Variants in ST6GALNAC4 observed in about 807,000 individuals in gnomAD.
ST6GALNAC4 encodes the protein ST6 N-acetylgalactosaminide alpha-2,6-sialyltransferase 4.
In ST6GALNAC4, 24 loss-of-function variants were observed where a neutral mutation model predicts 30.4. The ratio of observed to expected loss-of-function variants is 0.79; its 90% CI spans 0.57 to 1.11. ST6GALNAC4 has a LOEUF of 1.11. ST6GALNAC4 is among the 50% of genes most tolerant of loss of function. ST6GALNAC4 has a pLI of 0.00. For synonymous variants in ST6GALNAC4, 156 were observed against 179.7 expected, an observed-to-expected ratio of 0.87 and a Z score of 1.05; for missense variants, 365 against 430.1, an observed-to-expected ratio of 0.85 and a Z score of 1.34.
At chr9:127,908,644 C>G in intron 5 of ST6GALNAC4, 63 bp from the exon 6 acceptor site, 1 of 1,430,280 alleles carries the variant, frequency 7.0e-7, no homozygotes. Flanking sequence ...CACACCCTGC[C>G]GCCTACCTTG....
chr9:127,916,357 C>T (rs371918000), intron 2 of ST6GALNAC4, 51 bp downstream of exon 2: 12 of 1,613,526 alleles, frequency 7.4e-6, no homozygotes, highest in African/African-American at 4.0e-5. Flanking sequence ...TGAGCTGCTC[C>T]GCCAGTCGGG....
At chr9:127,913,565 C>G (rs1297634625) in intron 3 of ST6GALNAC4, among the ~76,000 whole-genome samples, 1 of 151,908 alleles carries the variant, frequency 6.6e-6, no homozygotes, top group Admixed American at 6.6e-5. Context: ...AGCCTGTTGA[C>G]AGAGTGAGCT....
intron 2 of ST6GALNAC4, 138 bp from the exon 3 acceptor site, chr9:127,914,979 C>G: frequency 4.1e-6 from 3 of 733,380 alleles, no homozygotes; most frequent in Non-Finnish European, 6.0e-6. Flanking sequence ...AGAATCCAGT[C>G]TCCATCCACT....
chr9:127,908,551 G>A lies in ST6GALNAC4; in HGVS notation c.750C>T (p.His250=), dbSNP rs1830989030. 3 of 1,598,160 alleles carry A rather than the reference G, an allele frequency of 1.9e-6. No individual in the cohort carries two copies. The highest frequency in any genetic ancestry group is 1.7e-5 in the Admixed American group (1 of 59,456). The change falls in exon 6 of 6, where the codon CAC becomes CAT. Residue 250 remains histidine (H), a synonymous_variant. Coordinates refer to ENST00000335791, the MANE Select transcript of ST6GALNAC4 (RefSeq NM_175039.4). ...REKSHPSVPY[H]YFEKGRLDEC... is the part of the protein sequence containing the mutation. Reference sequence around the variant, plus strand: ...CATCTAGCCGGCCCTTCTCAAAGTAGTGGTAAGGCACTGAGGGGTGGCTCT... The same window carrying A: ...CATCTAGCCGGCCCTTCTCAAAGTAATGGTAAGGCACTGAGGGGTGGCTCT...
intron 3 of ST6GALNAC4, 50 bp downstream of exon 3, chr9:127,914,606 C>T: frequency 6.8e-7 from 1 of 1,473,404 alleles, no homozygotes; most frequent in Non-Finnish European, 9.1e-7. Flanking sequence ...CGGTTTGGGA[C>T]AAGCCCAGCT....
intron 2 of ST6GALNAC4, chr9:127,916,157 G>C: frequency 6.8e-6 from 4 of 584,346 alleles, no homozygotes; most frequent in Non-Finnish European, 1.2e-5. Context: ...CGTAGGCTTT[G>C]CCTGGTGAGC....
chr9:127,914,941 G>A (rs1831163621), intron 2 of ST6GALNAC4, 100 bp from the exon 3 acceptor site: 1 of 1,114,002 alleles, frequency 9.0e-7, no homozygotes, highest in Non-Finnish European at 1.2e-6. Context: ...GAAGCTCCTG[G>A]GTCTAGAGCA....
chr9:127,908,342 G>C lies in ST6GALNAC4; in HGVS notation c.*50C>G, dbSNP rs371914180. ...TGTGGAGTGTGATGGCTTGGGATGG[G>C]ACATCCCGGAGGCCTCGCAACGGCA... is the stretch of plus-strand genomic sequence containing the variant. On this transcript the variant is annotated 3_prime_UTR_variant, in exon 6 of 6. Coordinates refer to ENST00000335791, the MANE Select transcript of ST6GALNAC4 (RefSeq NM_175039.4). The C allele has an allele frequency of 1.4e-6, 2 of 1,464,496 alleles. No homozygotes were observed. The highest frequency in any genetic ancestry group is 2.8e-5 in the African/African-American group (2 of 71,044). The allele number at this position is 1,464,496 out of a possible 1,614,324, so 90.7% of individuals were successfully genotyped here.
intron 5 of ST6GALNAC4, among the ~76,000 whole-genome samples, chr9:127,909,550 G>T (rs1275729260): frequency 6.9e-6 from 1 of 145,674 alleles, no homozygotes; most frequent in African/African-American, 2.5e-5. Context: ...ACATATCACT[G>T]ATATATATAT....
rs540083038 is a variant in ST6GALNAC4, at chr9:127,909,278, A to G, written c.719+673T>C. 4.3e-4 allele frequency among the ~76,000 whole-genome samples: 66 copies of G among 152,002 alleles called. No homozygotes were observed. In the South Asian group the frequency reaches 0.013, roughly 31 times the overall value. ...GTGGCACGTGCCTGTAATCCCAGCG[A>G]CTAGGGAGGCTGAGGCAGGAGAATC... On this transcript the variant is annotated intron_variant, in intron 5 of 5. Transcript: ENST00000335791.
intron 4 of ST6GALNAC4, 45 bp from the exon 5 acceptor site, chr9:127,910,103 A>T: frequency 6.3e-7 from 1 of 1,589,094 alleles, no homozygotes; most frequent in Non-Finnish European, 8.6e-7. Context: ...ACAAGAGGCC[A>T]TGTGGTAGCT....
intron 5 of ST6GALNAC4, among the ~76,000 whole-genome samples, chr9:127,908,800 G>A (rs1356889309): frequency 1.3e-5 from 2 of 152,146 alleles, no homozygotes; most frequent in Admixed American, 6.5e-5. Flanking sequence ...CTGGGCCAGA[G>A]ATGGACGCTG....
intron 3 of ST6GALNAC4, among the ~76,000 whole-genome samples, chr9:127,913,248 G>C (rs1588676746): frequency 6.6e-6 from 1 of 152,246 alleles, no homozygotes; most frequent in African/African-American, 2.4e-5. Flanking sequence ...CAAGTCACCG[G>C]CCTCTGTGCG....
chr9:127,908,675 T>C (rs1588672731), intron 5 of ST6GALNAC4, 94 bp from the exon 6 acceptor site: 1 of 1,254,378 alleles, frequency 8.0e-7, no homozygotes, highest in Non-Finnish European at 1.1e-6. Flanking sequence ...GCCAGGCCCA[T>C]GGGCTCGTGA....
chr9:127,914,794 G>T lies in ST6GALNAC4; in HGVS notation c.60C>A (p.Val20=). The T allele has an allele frequency of 6.3e-7, 1 of 1,589,760 alleles. No homozygotes were observed. The highest frequency in any genetic ancestry group is 1.1e-5 in the South Asian group (1 of 88,714). ...CGGCCCAGCAGCACAGGAGGATGTA[G>T]ACGGCAGAGAAGACCACGGAGCACA... ...IILCSVVFSA[V]YILLCCWAGL... Residue 20 remains valine (V), a synonymous_variant, in exon 3 of 6, where the codon GTC becomes GTA. Coordinates refer to ENST00000335791, the MANE Select transcript of ST6GALNAC4 (RefSeq NM_175039.4).
Position 127,909,849 on chromosome 9 carries a change from A to C in ST6GALNAC4, c.719+102T>G, listed in dbSNP as rs1004084667. On this transcript the variant is annotated intron_variant, in intron 5 of 5. Coordinates refer to ENST00000335791, the MANE Select transcript of ST6GALNAC4 (RefSeq NM_175039.4). Reference sequence around the variant, plus strand: ...GCTATGGTCACCCACCATGAAGCCCACACTCCCTCTGCCCCCACAGCTCCC... The same window carrying C: ...GCTATGGTCACCCACCATGAAGCCCCCACTCCCTCTGCCCCCACAGCTCCC... The C allele has an allele frequency of 6.8e-5, 79 of 1,163,594 alleles. No individual in the cohort carries two copies. The African/African-American group carries it at 1.1e-3, about 16-fold the overall frequency. 72.1% of individuals were successfully genotyped at this position (1,163,594 alleles called of 1,614,324 possible).
At chr9:127,915,589 C>T (rs919680794) in intron 2 of ST6GALNAC4, among the ~76,000 whole-genome samples, 1 of 152,274 alleles carries the variant, frequency 6.6e-6, no homozygotes, top group Non-Finnish European at 1.5e-5. Context: ...GGAAGCTCTT[C>T]TAGCCATCTG....
intron 5 of ST6GALNAC4, among the ~76,000 whole-genome samples, chr9:127,909,339 A>G (rs1362682591): frequency 1.3e-5 from 2 of 151,454 alleles, no homozygotes; most frequent in Admixed American, 6.6e-5. Flanking sequence ...CAGTGAGCCA[A>G]GATCGCGCCA....
intron 5 of ST6GALNAC4, 107 bp from the exon 6 acceptor site, chr9:127,908,688 A>T (rs1830996117): frequency 1.9e-6 from 2 of 1,057,370 alleles, no homozygotes; most frequent in Non-Finnish European, 2.6e-6. Context: ...GCTCGTGAAG[A>T]CCCACGCCTG....
Sources: gnomAD v4.1 joint callset for allele counts (sites outside exome capture counted in the v4.1 genomes callset) on GRCh38, gnomAD v4.1.1 for gene constraint, MANE v1.5 for transcripts, NCBI Gene and HGNC (gene_info 2026-07-23, HGNC 2026-07-21) for gene names.